Variants in TELO2 observed in about 807,000 individuals in gnomAD.
The protein encoded by TELO2 is telomere length regulation protein TEL2 homolog.
In TELO2, 71 loss-of-function variants were observed where a neutral mutation model predicts 91.0. The observed-to-expected ratio is 0.78, with a 90% CI of 0.64 to 0.95. The LOEUF is 0.95. Ranked by LOEUF, TELO2 falls within the 40% of genes least tolerant of loss-of-function variation. TELO2 has a pLI of 0.00. For missense variants in TELO2, 1,183 were observed against 1,141.3 expected (o/e 1.04, Z -0.53); for synonymous variants, 584 against 518.9 (o/e 1.13, Z -1.71).
At chr16:1,508,904 G>A (rs561460450) in intron 20 of TELO2, among the ~76,000 whole-genome samples, 3 of 152,338 alleles carry the variant, frequency 2.0e-5, no homozygotes, top group East Asian at 3.9e-4. Context: ...GGCCCAAAGC[G>A]TGGGGAGTGC....
In TELO2 at chr16:1,501,516, C is replaced by A. The variant is rs756156189; in HGVS notation, c.1361+17C>A. 2 of 1,599,428 alleles carry A rather than the reference C, an allele frequency of 1.3e-6. No homozygotes were observed. The highest frequency in any genetic ancestry group is 4.5e-5 in the East Asian group (2 of 44,554). ...GGAGGCGGGGTGAGGGTCTCTGCCC[C>A]CCGGGACCCCACCGCGTGCACATCT... On this transcript the variant is annotated intron_variant, in intron 10 of 20. Transcript: ENST00000262319.
intron 3 of TELO2, 140 bp downstream of exon 3, chr16:1,495,763 C>A: frequency 8.0e-7 from 1 of 1,246,940 alleles, no homozygotes. Context: ...TGTCCCTGTC[C>A]CGCACAGTAG....
At chr16:1,500,323 A>T (rs1176680463) in intron 7 of TELO2, 24 bp from the exon 8 acceptor site, 1 of 1,563,558 alleles carries the variant, frequency 6.4e-7, no homozygotes, top group Non-Finnish European at 8.6e-7. Flanking sequence ...AGCCCCACAC[A>T]GTCGTGGGCC....
At chr16:1,495,249 G>A (rs914265381) in intron 2 of TELO2, 97 bp from the exon 3 acceptor site, 3 of 1,443,552 alleles carry the variant, frequency 2.1e-6, no homozygotes, top group Non-Finnish European at 2.8e-6. Context: ...ATGTTGTTGG[G>A]GCTGCCCGTG....
rs753200993 is a variant in TELO2, at chr16:1,507,557, GGT to G, written c.2292-40_2292-39del. On this transcript the variant is annotated intron_variant, in intron 19 of 20. Coordinates refer to ENST00000262319, the MANE Select transcript of TELO2 (RefSeq NM_016111.4). ...ACACTGAGGGGAGTGGGAGGTCTGG[GGT>G]GTGGTCCCTGCCGAGCTCAGCCCCC... The G allele has an allele frequency of 2.4e-5, 37 of 1,536,942 alleles. No individual in the cohort carries two copies. The East Asian group carries it at 4.2e-4, about 18-fold the overall frequency.
chr16:1,502,942 T>C lies in TELO2; in HGVS notation c.1782T>C (p.Tyr594=), dbSNP rs760665611. 8.7e-6 allele frequency: 14 copies of C among 1,611,322 alleles called. No individual in the cohort carries two copies. Among genetic ancestry groups the C allele is most frequent in the Non-Finnish European group, 1.2e-5 (14 of 1,179,996 alleles). The part of the protein sequence containing the change: ...TVTDPAPVAD[Y]LTSQFYALNY... ...CCCTGTGTCCTCAGGTGGCCGACTA[T>C]CTGACCTCACAGTTCTATGCCCTCA... is the stretch of plus-strand genomic sequence containing the variant. The change falls in exon 15 of 21, where the codon TAT becomes TAC. Residue 594 remains tyrosine, a synonymous_variant. Coordinates refer to ENST00000262319, the MANE Select transcript of TELO2 (RefSeq NM_016111.4).
chr16:1,508,746 G>A (rs1424388439), intron 20 of TELO2, among the ~76,000 whole-genome samples: 2 of 152,222 alleles, frequency 1.3e-5, no homozygotes, highest in Non-Finnish European at 2.9e-5. Context: ...GGGGAGTGGA[G>A]CCAACGAGTC....
At chr16:1,496,127 C>A (rs1282345491) in intron 3 of TELO2, among the ~76,000 whole-genome samples, 1 of 152,232 alleles carries the variant, frequency 6.6e-6, no homozygotes, top group Non-Finnish European at 1.5e-5. Flanking sequence ...TGCAGGGTGA[C>A]CCCTTCCTTC....
In TELO2 at chr16:1,505,556, G is replaced by A. The variant is rs543628361; in HGVS notation, c.1989G>A (p.Val663=). The change falls in exon 16 of 21, where the codon GTG becomes GTA. Residue 663 remains valine (V), a synonymous_variant. Transcript: ENST00000262319. The surrounding 1 kb of genome is among the most constrained non-coding windows in gnomAD (Gnocchi z 4.3). Reference sequence around the variant, plus strand: ...GTGCCGTGGCGTCTGACTGGCGGGTGGTGGTGGAGGAGCGGATCAGAAGCA... The same window carrying A: ...GTGCCGTGGCGTCTGACTGGCGGGTAGTGGTGGAGGAGCGGATCAGAAGCA... ...PGSAVASDWR[V]VVEERIRSKT... is the part of the protein sequence containing the mutation. The A allele has an allele frequency of 5.0e-6, 8 of 1,612,854 alleles. No homozygotes were observed. In the Admixed American group the frequency reaches 5.0e-5, roughly 10 times the overall value.
intron 13 of TELO2, 43 bp downstream of exon 13, chr16:1,502,447 G>A: frequency 6.4e-7 from 1 of 1,558,108 alleles, no homozygotes. Flanking sequence ...CAAGATGGTA[G>A]CTCCCTCAAT....
At chr16:1,501,371 G>C (rs758258319) in intron 9 of TELO2, 49 bp from the exon 10 acceptor site, 2 of 1,582,638 alleles carry the variant, frequency 1.3e-6, no homozygotes, top group South Asian at 2.3e-5. Context: ...GTCTCGGGGA[G>C]GGGCGCTGCA....
In TELO2 at chr16:1,503,810, T is replaced by C. The variant is rs191074425; in HGVS notation, c.1842+808T>C. Among the ~76,000 whole-genome samples, 562 of 152,182 alleles carry C rather than the reference T, an allele frequency of 3.7e-3. 16 individuals carry two copies. The highest frequency in any genetic ancestry group is 5.0e-4 in the Non-Finnish European group (34 of 67,998). On this transcript the variant is annotated intron_variant, in intron 15 of 20. Transcript: ENST00000262319. Reference sequence around the variant, plus strand: ...TGGTTGCCCATCATGAACGTACTTATTAATGCCACGGAACTGTACACTTAA... The same window carrying C: ...TGGTTGCCCATCATGAACGTACTTACTAATGCCACGGAACTGTACACTTAA...
Position 1,497,378 on chromosome 16 carries a change from C to A in TELO2, c.700C>A (p.Leu234Met). The A allele has an allele frequency of 6.5e-7, 1 of 1,548,234 alleles. No homozygotes were observed. The highest frequency in any genetic ancestry group is 8.7e-7 in the Non-Finnish European group (1 of 1,146,004). The change falls in exon 5 of 21, where the codon CTG becomes ATG. Residue 234 changes from leucine to methionine, a missense_variant. Leu to Met is a conservative substitution (Grantham distance 15, BLOSUM62 2). Transcript: ENST00000262319. The surrounding 1 kb of genome is among the most constrained non-coding windows in gnomAD (Gnocchi z 4.0). Reference sequence around the variant, plus strand: ...CCCCTCAGAGGAGATCCTGGGCGTGCTGGTACCCCGGCTGGCAGCGCTCAC... The same window carrying A: ...CCCCTCAGAGGAGATCCTGGGCGTGATGGTACCCCGGCTGGCAGCGCTCAC... ...HGRQQEILGV[L>M]VPRLAALTQG...
chr16:1,510,144 C>T lies in TELO2; in HGVS notation c.*208C>T, dbSNP rs976258635. ...TACACTGGGCCTGGGCACTGCCCGC[C>T]GGGACATGGCAGCCTGGACGTGGGG... On this transcript the variant is annotated 3_prime_UTR_variant, in exon 21 of 21. Coordinates refer to ENST00000262319, the MANE Select transcript of TELO2 (RefSeq NM_016111.4). 37 of 562,736 alleles carry T rather than the reference C, an allele frequency of 6.6e-5. No homozygotes were observed. Among genetic ancestry groups the T allele is most frequent in the Middle Eastern group, 4.8e-4 (1 of 2,074 alleles). The allele number at this position is 562,736 out of a possible 1,614,324, so 34.9% of individuals were successfully genotyped here.
chr16:1,500,053 C>T (rs201879267), intron 6 of TELO2, 43 bp from the exon 7 acceptor site: 345 of 1,579,954 alleles, frequency 2.2e-4, no homozygotes, highest in Middle Eastern at 5.7e-4. Flanking sequence ...GCTGGCCAGG[C>T]GGCGGCCTCA....
Position 1,497,109 on chromosome 16 carries a change from G to A in TELO2, c.682+5G>A, listed in dbSNP as rs772488886. On this transcript the variant is annotated splice_donor_5th_base_variant and intron_variant, in intron 4 of 20. Coordinates refer to ENST00000262319, the MANE Select transcript of TELO2 (RefSeq NM_016111.4). This position sits in a 1 kb window ranked among gnomAD's most constrained non-coding sequence, Gnocchi z 4.0. ...CCTGTGTCCACGGGAGGCAGCGTGA[G>A]TAGAGCAGTGCCTTCCTGCCCATCC... 1.2e-6 allele frequency: 2 copies of A among 1,613,868 alleles called. No individual in the cohort carries two copies. The highest frequency in any genetic ancestry group is 2.2e-5 in the East Asian group (1 of 44,882).
rs201623549 is a variant in TELO2, at chr16:1,497,121, C to T, written c.682+17C>T. 46 of 1,613,748 alleles carry T rather than the reference C, an allele frequency of 2.9e-5. No homozygotes were observed. The East Asian group carries it at 4.5e-4, about 16-fold the overall frequency. The stretch of plus-strand genomic sequence containing the variant: ...GGAGGCAGCGTGAGTAGAGCAGTGC[C>T]TTCCTGCCCATCCTGCCCCGACCCT... On this transcript the variant is annotated intron_variant, in intron 4 of 20. Transcript: ENST00000262319. The surrounding 1 kb of genome is among the most constrained non-coding windows in gnomAD (Gnocchi z 4.0).
In TELO2 at chr16:1,502,732, G is replaced by C. The variant is rs1270691150; in HGVS notation, c.1741G>C (p.Val581Leu). The C allele has an allele frequency of 1.1e-5, 18 of 1,612,318 alleles. No homozygotes were observed. Among genetic ancestry groups the C allele is most frequent in the Non-Finnish European group, 1.5e-5 (18 of 1,179,874 alleles). The change falls in exon 14 of 21, where the codon GTG (valine) becomes CTG (leucine). Residue 581 changes from valine to leucine, a missense_variant. By Grantham distance (32) the Val-to-Leu change is conservative. Coordinates refer to ENST00000262319, the MANE Select transcript of TELO2 (RefSeq NM_016111.4). ...GFAGLRQRALVAVTVTDPAPV... is the reference protein window; with the variant it reads ...GFAGLRQRALLAVTVTDPAPV... Reference sequence around the variant, plus strand: ...TGCAGGGCTGCGCCAGAGAGCCCTGGTGGCCGTCACGGTCACAGACCCGGC... The same window carrying C: ...TGCAGGGCTGCGCCAGAGAGCCCTGCTGGCCGTCACGGTCACAGACCCGGC...
At chr16:1,501,636 G>A (rs2039684092) in intron 10 of TELO2, 27 bp from the exon 11 acceptor site, 6 of 1,592,582 alleles carry the variant, frequency 3.8e-6, no homozygotes, top group African/African-American at 2.7e-5. Context: ...GGCCCCTAAA[G>A]GATTTTTGTT....
Sources: allele counts gnomAD v4.1 joint callset (sites outside exome capture counted in the v4.1 genomes callset), GRCh38; gene constraint gnomAD v4.1.1; non-coding constraint Gnocchi (gnomAD v3.1); transcripts MANE v1.5; gene names NCBI Gene and HGNC (gene_info 2026-07-23, HGNC 2026-07-21).